Variants in ZNF804A observed in about 807,000 individuals in gnomAD.
The protein encoded by ZNF804A is zinc finger protein 804A.
Under a neutral mutation model 16.5 loss-of-function variants are expected in ZNF804A, and 2 were observed. That is an observed-to-expected ratio of 0.12 (90% confidence interval 0.05 to 0.38). The LOEUF is 0.38. Ranked by LOEUF, ZNF804A falls within the 10% of genes least tolerant of loss-of-function variation. ZNF804A has a pLI of 0.99. For synonymous variants in ZNF804A, 534 were observed against 489.6 expected, an observed-to-expected ratio of 1.09 and a Z score of -1.20; for missense variants, 1,473 against 1,390.7, an observed-to-expected ratio of 1.06 and a Z score of -0.94.
At chr2:184,716,845 C>G (rs187892009) in intron 1 of ZNF804A, among the ~76,000 whole-genome samples, 298 of 152,190 alleles carry the variant, frequency 2.0e-3, no homozygotes, top group Admixed American at 6.9e-3. Flanking sequence ...AAGATTATAA[C>G]TAGTGTGAAT....
intron 1 of ZNF804A, among the ~76,000 whole-genome samples, chr2:184,744,283 A>G (rs927299764): frequency 6.6e-6 from 1 of 151,902 alleles, no homozygotes; most frequent in Non-Finnish European, 1.5e-5. Context: ...TTTGTATTAT[A>G]TACAGTATAA....
intron 1 of ZNF804A, among the ~76,000 whole-genome samples, chr2:184,637,073 T>A (rs1242365153): frequency 6.6e-6 from 1 of 152,186 alleles, no homozygotes; most frequent in Non-Finnish European, 1.5e-5. Flanking sequence ...TTCTGAAATA[T>A]CAGTTTCTTA....
At chr2:184,789,582 G>A (rs139638420) in intron 1 of ZNF804A, among the ~76,000 whole-genome samples, 1 of 152,080 alleles carries the variant, frequency 6.6e-6, no homozygotes. Flanking sequence ...ATGTTTCCAT[G>A]AATTTATTCA....
At chr2:184,912,935 T>C (rs1574268100) in intron 2 of ZNF804A, among the ~76,000 whole-genome samples, 1 of 152,126 alleles carries the variant, frequency 6.6e-6, no homozygotes, top group East Asian at 1.9e-4. Flanking sequence ...TTAATTTTAA[T>C]GAAGTCCCAT....
At chr2:184,788,278 C>T (rs754342173) in intron 1 of ZNF804A, among the ~76,000 whole-genome samples, 8 of 151,852 alleles carry the variant, frequency 5.3e-5, no homozygotes, top group African/African-American at 9.7e-5. Flanking sequence ...AATGTGATAC[C>T]TTCAAATTTG....
intron 1 of ZNF804A, among the ~76,000 whole-genome samples, chr2:184,790,590 A>C (rs4635495): frequency 0.051 from 7,663 of 151,620 alleles, 256 homozygotes; most frequent in Middle Eastern, 0.078. Flanking sequence ...TATTCTTCTT[A>C]TTATTTATTT....
chr2:184,696,094 A>G (rs1377360673), intron 1 of ZNF804A, among the ~76,000 whole-genome samples: 1 of 152,132 alleles, frequency 6.6e-6, no homozygotes, highest in Non-Finnish European at 1.5e-5. Flanking sequence ...AATTTCGGAG[A>G]CACTGCAGCT....
At chr2:184,638,045 A>G (rs1393436597) in intron 1 of ZNF804A, among the ~76,000 whole-genome samples, 1 of 152,144 alleles carries the variant, frequency 6.6e-6, no homozygotes, top group South Asian at 2.1e-4. Context: ...GAACTTGGCT[A>G]TACAGAGAAC....
intron 1 of ZNF804A, among the ~76,000 whole-genome samples, chr2:184,823,587 G>T (rs1041739114): frequency 6.6e-6 from 1 of 152,036 alleles, no homozygotes; most frequent in African/African-American, 2.4e-5. Flanking sequence ...TGTCAAAATT[G>T]TCTACAACAA....
intron 1 of ZNF804A, among the ~76,000 whole-genome samples, chr2:184,697,031 A>G (rs1692843544): frequency 6.6e-6 from 1 of 152,052 alleles, no homozygotes; most frequent in Admixed American, 6.6e-5. Context: ...GTAATTTAGT[A>G]TAAATGACAT....
At chr2:184,666,201 T>C (rs566063053) in intron 1 of ZNF804A, among the ~76,000 whole-genome samples, 72 of 152,276 alleles carry the variant, frequency 4.7e-4, no homozygotes, top group Non-Finnish European at 8.7e-4. Context: ...AATTTCAGTA[T>C]ATAAGAAAAC....
intron 2 of ZNF804A, among the ~76,000 whole-genome samples, chr2:184,905,371 A>G (rs1305493123): frequency 6.6e-6 from 1 of 152,084 alleles, no homozygotes; most frequent in African/African-American, 2.4e-5. Context: ...CCTTCCTGAC[A>G]AGAAATTTCA....
At chr2:184,840,028 T>A (rs192017431) in intron 1 of ZNF804A, among the ~76,000 whole-genome samples, 10 of 152,280 alleles carry the variant, frequency 6.6e-5, no homozygotes, top group African/African-American at 2.4e-4. Flanking sequence ...ATTATTGGAA[T>A]AGACTCTTTA....
At chr2:184,731,918 A>G (rs1043203941) in intron 1 of ZNF804A, among the ~76,000 whole-genome samples, 6 of 152,154 alleles carry the variant, frequency 3.9e-5, no homozygotes, top group Non-Finnish European at 7.4e-5. Context: ...CCTTATTAAT[A>G]AACTGTTAAT....
chr2:184,936,094 T>C lies in ZNF804A; in HGVS notation c.698T>C (p.Phe233Ser). ...AAGCTAGAGTCCTCAGCTGCAGCCT[T>C]CTCTGAATACAGTGATGATGCCTCA... ...SVKLESSAAA[F>S]SEYSDDASVG... The change falls in exon 4 of 4, where the codon TTC becomes TCC. Residue 233 changes from phenylalanine to serine, a missense_variant. By Grantham distance (155) the Phe-to-Ser change is radical. Coordinates refer to ENST00000302277, the MANE Select transcript of ZNF804A (RefSeq NM_194250.2). 6.2e-7 allele frequency: 1 copy of C among 1,614,038 alleles called. No homozygotes were observed. The highest frequency in any genetic ancestry group is 8.5e-7 in the Non-Finnish European group (1 of 1,179,948).
chr2:184,659,815 G>A (rs1692139158), intron 1 of ZNF804A, among the ~76,000 whole-genome samples: 2 of 152,160 alleles, frequency 1.3e-5, no homozygotes, highest in Non-Finnish European at 2.9e-5. Context: ...CATAAAAAAT[G>A]TATAAGTAGA....
At chr2:184,885,139 A>G (rs1282682002) in intron 2 of ZNF804A, among the ~76,000 whole-genome samples, 1 of 151,576 alleles carries the variant, frequency 6.6e-6, no homozygotes, top group Non-Finnish European at 1.5e-5. Flanking sequence ...TGAAAACCAC[A>G]GTGAGATACA....
Position 184,600,105 on chromosome 2 carries a change from A to G in ZNF804A, c.111+1035A>G, listed in dbSNP as rs116949164. Among the ~76,000 whole-genome samples, 7 of 152,326 alleles carry G rather than the reference A, an allele frequency of 4.6e-5. No homozygotes were observed. In the East Asian group the frequency reaches 1.4e-3, roughly 29 times the overall value. On this transcript the variant is annotated intron_variant, in intron 1 of 3. Coordinates refer to ENST00000302277, the MANE Select transcript of ZNF804A (RefSeq NM_194250.2). ...CCCCTTTCTTACACAGTGGTAACTT[A>G]GCCTGAATGAGGAGAGTAGAAGTTT...
At chr2:184,710,258 A>T (rs185134918) in intron 1 of ZNF804A, among the ~76,000 whole-genome samples, 1 of 151,858 alleles carries the variant, frequency 6.6e-6, no homozygotes, top group East Asian at 1.9e-4. Flanking sequence ...GATAATAAAC[A>T]TATCCATCAC....
Sources: allele counts gnomAD v4.1 joint callset (sites outside exome capture counted in the v4.1 genomes callset), GRCh38; gene constraint gnomAD v4.1.1; transcripts MANE v1.5; gene names NCBI Gene and HGNC (gene_info 2026-07-23, HGNC 2026-07-21).